The following SYN3 variants were observed in gnomAD, a reference collection of about 807,000 sequenced individuals.
SYN3 encodes synapsin-3.
In SYN3, 35 loss-of-function variants were observed where a neutral mutation model predicts 65.8. The observed-to-expected ratio is 0.53, with a 90% CI of 0.41 to 0.70. SYN3 has a LOEUF of 0.70. Ranked by LOEUF, SYN3 falls within the 30% of genes least tolerant of loss-of-function variation. The probability of loss-of-function intolerance (pLI) is 0.00; values close to 1 mark genes in which losing one functional copy is unlikely to be tolerated. For synonymous variants in SYN3, 270 were observed against 292.9 expected (o/e 0.92, Z 0.80); for missense variants, 680 against 749.0 (o/e 0.91, Z 1.08).
intron 6 of SYN3, among the ~76,000 whole-genome samples, chr22:32,666,760 CT>C (rs1328502240): frequency 6.6e-6 from 1 of 152,184 alleles, no homozygotes; most frequent in Admixed American, 6.5e-5. Flanking sequence ...CTGTTTCCCC[CT>C]GTTGGAATGT....
chr22:32,751,087 GCCCAGCCCCCAGCC>G (rs1196837083), intron 6 of SYN3, among the ~76,000 whole-genome samples: 2 of 151,622 alleles, frequency 1.3e-5, no homozygotes, highest in Non-Finnish European at 2.9e-5. Flanking sequence ...GGAGCCCTGA[GCCCAGCCCCCAGCC>G]CCCAGCCCCC....
intron 3 of SYN3, among the ~76,000 whole-genome samples, chr22:32,966,857 A>G (rs1364979363): frequency 6.6e-6 from 1 of 152,174 alleles, no homozygotes; most frequent in African/African-American, 2.4e-5. Context: ...TTGAGGCTGC[A>G]GTGAGCCATG....
intron 2 of SYN3, among the ~76,000 whole-genome samples, chr22:32,993,236 T>C (rs1262018140): frequency 6.6e-6 from 1 of 152,180 alleles, no homozygotes; most frequent in Non-Finnish European, 1.5e-5. Flanking sequence ...CACCTAGATC[T>C]GTGGAGGGGC....
At chr22:32,518,573 A>C in intron 12 of SYN3, 1 of 667,990 alleles carries the variant, frequency 1.5e-6, no homozygotes, top group South Asian at 1.5e-5. Context: ...TAAATGACAC[A>C]GGATACTGTT....
At chr22:33,044,001 C>T (rs189108962) in intron 1 of SYN3, among the ~76,000 whole-genome samples, 5 of 151,432 alleles carry the variant, frequency 3.3e-5, no homozygotes, top group East Asian at 3.9e-4. Flanking sequence ...TGCAGTGAGC[C>T]GAGATTGTGC....
chr22:32,751,846 G>C (rs1438428558), intron 6 of SYN3, among the ~76,000 whole-genome samples: 1 of 152,206 alleles, frequency 6.6e-6, no homozygotes, highest in Non-Finnish European at 1.5e-5. Flanking sequence ...GGTGAGGCCA[G>C]AGCTAAAATA....
At chr22:32,535,985 G>C (rs2058158921) in intron 9 of SYN3, among the ~76,000 whole-genome samples, 1 of 152,236 alleles carries the variant, frequency 6.6e-6, no homozygotes, top group South Asian at 2.1e-4. Context: ...CTGGAGTTCT[G>C]CCTGTGATTG....
At chr22:32,612,920 A>G (rs1334273630) in intron 6 of SYN3, among the ~76,000 whole-genome samples, 2 of 152,132 alleles carry the variant, frequency 1.3e-5, no homozygotes, top group South Asian at 2.1e-4. Flanking sequence ...ATATTTCCCA[A>G]TGTTGGGAGG....
At chr22:32,728,972 A>G (rs2061234459) in intron 6 of SYN3, among the ~76,000 whole-genome samples, 1 of 152,184 alleles carries the variant, frequency 6.6e-6, no homozygotes, top group African/African-American at 2.4e-5. Context: ...GGAACTGACC[A>G]CAGAAGGTGC....
At chr22:32,620,065 T>C (rs2059573407) in intron 6 of SYN3, among the ~76,000 whole-genome samples, 1 of 152,220 alleles carries the variant, frequency 6.6e-6, no homozygotes, top group South Asian at 2.1e-4. Context: ...AGCTGACTCA[T>C]AGATTTGTGA....
intron 2 of SYN3, among the ~76,000 whole-genome samples, chr22:32,981,312 G>A (rs1210370841): frequency 1.3e-5 from 2 of 150,842 alleles, no homozygotes; most frequent in South Asian, 2.1e-4. Flanking sequence ...CAGGCCGGGC[G>A]CTGTGGCTCA....
intron 6 of SYN3, among the ~76,000 whole-genome samples, chr22:32,723,871 C>T (rs1047961821): frequency 2.0e-5 from 3 of 152,220 alleles, no homozygotes; most frequent in Non-Finnish European, 2.9e-5. Context: ...GGCCGTGCCA[C>T]GTGAGGGGGC....
Position 32,518,024 on chromosome 22 carries a change from CA to C in SYN3, c.1610+18del, listed in dbSNP as rs762708922. ...CCCCAGCTCTATCCTATACCTTTTC[CA>C]ATTCCCAAAGCACTTACTTGAGATG... is the stretch of plus-strand genomic sequence containing the variant. On this transcript the variant is annotated intron_variant, in intron 13 of 13. Transcript: ENST00000358763. The C allele has an allele frequency of 2.0e-6, 3 of 1,508,748 alleles. No individual in the cohort carries two copies. In the East Asian group the frequency reaches 6.9e-5, roughly 34 times the overall value. The allele number at this position is 1,508,748 out of a possible 1,614,324, so 93.5% of individuals were successfully genotyped here. A position where few individuals can be genotyped will look rare whatever the true frequency, so the allele number is the denominator to read the frequency against.
At chr22:32,888,981 C>T (rs1369530930) in intron 4 of SYN3, among the ~76,000 whole-genome samples, 2 of 152,210 alleles carry the variant, frequency 1.3e-5, no homozygotes, top group South Asian at 2.1e-4. Context: ...GCCCTCTAAT[C>T]GGTCTCATCA....
At chr22:33,009,060 T>C (rs907913150) in intron 1 of SYN3, among the ~76,000 whole-genome samples, 1 of 151,904 alleles carries the variant, frequency 6.6e-6, no homozygotes, top group Non-Finnish European at 1.5e-5. Flanking sequence ...AAATTTTTAT[T>C]TAAGTCTTTT....
intron 5 of SYN3, among the ~76,000 whole-genome samples, chr22:32,868,370 C>A (rs958734283): frequency 1.3e-5 from 2 of 151,048 alleles, no homozygotes; most frequent in African/African-American, 4.9e-5. Context: ...TATGTAATAT[C>A]ATATATCATA....
rs145387698 is a variant in SYN3 at position 32,522,217 on chromosome 22, T to A, written c.1319-3883A>T. ...ATTGGGGAACTCAATGAAAGCGTTG[T>A]TTTTCATTAGCCTTGTTATTTTTAA... On this transcript the variant is annotated intron_variant, in intron 12 of 13. Transcript: ENST00000358763. Among the ~76,000 whole-genome samples, 29 of 152,360 alleles carry A rather than the reference T, an allele frequency of 1.9e-4. No homozygotes were observed. The Middle Eastern group carries it at 0.01, about 54-fold the overall frequency.
At chr22:32,648,659 G>C (rs1462803601) in intron 6 of SYN3, among the ~76,000 whole-genome samples, 4 of 152,214 alleles carry the variant, frequency 2.6e-5, no homozygotes, top group African/African-American at 7.2e-5. Context: ...TGGGCAGGTT[G>C]ATTAACCTCT....
intron 7 of SYN3, among the ~76,000 whole-genome samples, chr22:32,591,367 T>C (rs1269963732): frequency 1.3e-5 from 2 of 152,192 alleles, no homozygotes; most frequent in Non-Finnish European, 2.9e-5. Context: ...TACAAATTAA[T>C]AAAAGGACAA....
Sources: allele counts gnomAD v4.1 joint callset (sites outside exome capture counted in the v4.1 genomes callset), GRCh38; gene constraint gnomAD v4.1.1; transcripts MANE v1.5; gene names NCBI Gene and HGNC (gene_info 2026-07-23, HGNC 2026-07-21).